Variants in GRIK2 observed in about 807,000 individuals in gnomAD.
The protein encoded by GRIK2 is glutamate ionotropic receptor kainate type subunit 2.
GRIK2 carries 32 observed loss-of-function variants against 100.3 expected under a neutral mutation model. The observed-to-expected ratio is 0.32, with a 90% CI of 0.24 to 0.43. The LOEUF (loss-of-function observed/expected upper bound fraction) is 0.43. Among genes scored for constraint, GRIK2 ranks in the 20% least tolerant of loss-of-function variants. The pLI is 1.00. For missense variants in GRIK2, 843 were observed against 1,114.9 expected, an observed-to-expected ratio of 0.76 and a Z score of 3.47; for synonymous variants, 417 against 389.4, an observed-to-expected ratio of 1.07 and a Z score of -0.83.
At chr6:101,778,159 A>G (rs1778866308) in intron 7 of GRIK2, among the ~76,000 whole-genome samples, 2 of 152,218 alleles carry the variant, frequency 1.3e-5, no homozygotes, top group Admixed American at 1.3e-4. Flanking sequence ...TGTGTTATAA[A>G]AGGAAAAACA....
chr6:101,570,264 T>C (rs979612056), intron 2 of GRIK2, among the ~76,000 whole-genome samples: 1 of 152,024 alleles, frequency 6.6e-6, no homozygotes, highest in African/African-American at 2.4e-5. Flanking sequence ...TCTTGTAGGG[T>C]AAGTATAAGG....
chr6:101,570,662 T>C (rs901135997), intron 2 of GRIK2, among the ~76,000 whole-genome samples: 1 of 152,168 alleles, frequency 6.6e-6, no homozygotes, highest in Non-Finnish European at 1.5e-5. Flanking sequence ...GAGTTACTCT[T>C]CCTTGCTGGA....
At chr6:101,684,324 A>G (rs1771511700) in intron 6 of GRIK2, among the ~76,000 whole-genome samples, 1 of 152,206 alleles carries the variant, frequency 6.6e-6, no homozygotes, top group African/African-American at 2.4e-5. Context: ...AGTTTAGGAT[A>G]CATAGAACTC....
At chr6:101,870,376 C>T (rs1224327506) in intron 11 of GRIK2, among the ~76,000 whole-genome samples, 1 of 151,738 alleles carries the variant, frequency 6.6e-6, no homozygotes, top group African/African-American at 2.4e-5. Context: ...GCCAGTTTGT[C>T]CAATTCAATG....
intron 7 of GRIK2, among the ~76,000 whole-genome samples, chr6:101,714,650 T>C (rs768920893): frequency 4.6e-5 from 7 of 151,906 alleles, no homozygotes; most frequent in Non-Finnish European, 1.0e-4. Context: ...CTCATGTAAG[T>C]TTTATCACAA....
intron 4 of GRIK2, among the ~76,000 whole-genome samples, chr6:101,635,681 G>A (rs1389904285): frequency 1.3e-5 from 2 of 152,124 alleles, no homozygotes; most frequent in African/African-American, 4.8e-5. Flanking sequence ...CTATCAAAAA[G>A]TGGGTGAAGG....
At position 101,967,980 on chromosome 6, in the gene GRIK2, G is replaced by GAGTC. The variant is rs892853355; in HGVS notation, c.2085+39351_2085+39354dup. Among the ~76,000 whole-genome samples the GAGTC allele has an allele frequency of 5.3e-5, 8 of 151,170 alleles. 1 individual carries two copies. The highest frequency in any genetic ancestry group is 1.9e-4 in the African/African-American group (8 of 41,074). ...GAAATAGGAGGAAAAAAGAACTGGA[G>GAGTC]AGTCAGGAAAATTAAAGTTCTATTG... is the stretch of plus-strand genomic sequence containing the variant. On this transcript the variant is annotated intron_variant, in intron 14 of 16. Transcript: ENST00000369134.
At chr6:101,734,576 G>A (rs1022989359) in intron 7 of GRIK2, among the ~76,000 whole-genome samples, 8 of 152,066 alleles carry the variant, frequency 5.3e-5, no homozygotes, top group African/African-American at 1.9e-4. Flanking sequence ...AAAGTATTTG[G>A]GTACCCATGA....
chr6:101,419,257 T>G (rs1776298911), intron 2 of GRIK2, among the ~76,000 whole-genome samples: 1 of 152,200 alleles, frequency 6.6e-6, no homozygotes, highest in Non-Finnish European at 1.5e-5. Context: ...CCAGGACCCA[T>G]TTACAGTTCT....
At chr6:101,973,005 C>T (rs1416978925) in intron 14 of GRIK2, among the ~76,000 whole-genome samples, 2 of 151,794 alleles carry the variant, frequency 1.3e-5, no homozygotes, top group African/African-American at 4.8e-5. Context: ...GTTCTTTTTG[C>T]TTATGATCAC....
intron 16 of GRIK2, among the ~76,000 whole-genome samples, chr6:102,063,764 A>AAAG (rs1345326716): frequency 2.0e-5 from 3 of 150,508 alleles, no homozygotes; most frequent in African/African-American, 7.3e-5. Flanking sequence ...TCTTTAAAAA[A>AAAG]AAAAAGCTCT....
intron 7 of GRIK2, among the ~76,000 whole-genome samples, chr6:101,706,352 C>T (rs1773297393): frequency 6.6e-6 from 1 of 151,904 alleles, no homozygotes; most frequent in Admixed American, 6.6e-5. Flanking sequence ...TGTCTGTTGA[C>T]ATATTTGTTA....
In GRIK2 at chr6:101,621,585, T is replaced by TG. The variant is rs549476681; in HGVS notation, c.116-357dup. On this transcript the variant is annotated intron_variant, in intron 2 of 16. Coordinates refer to ENST00000369134, the MANE Select transcript of GRIK2 (RefSeq NM_021956.5). ...TTATTCTGGAACTGTTTACAAATTTTGGGGGGGATAAATTTCAGTACTTAA... is the reference window on the plus strand; with the variant it reads ...TTATTCTGGAACTGTTTACAAATTTTGGGGGGGGATAAATTTCAGTACTTAA... Among the ~76,000 whole-genome samples, 290 of 152,198 alleles carry TG rather than the reference T, an allele frequency of 1.9e-3. 2 individuals carry two copies. Among genetic ancestry groups the TG allele is most frequent in the African/African-American group, 6.9e-3 (286 of 41,534 alleles).
intron 7 of GRIK2, chr6:101,745,202 T>C (rs2128380718): frequency 6.6e-6 from 1 of 152,330 alleles, no homozygotes; most frequent in East Asian, 1.9e-4. Context: ...TATATCAACT[T>C]GTTATTCAGT....
At chr6:101,817,890 G>A (rs1297047154) in intron 9 of GRIK2, among the ~76,000 whole-genome samples, 1 of 152,102 alleles carries the variant, frequency 6.6e-6, no homozygotes, top group Non-Finnish European at 1.5e-5. Context: ...TCCCACCAGG[G>A]GTAGTGCAAA....
chr6:101,729,199 T>C (rs1277609170), intron 7 of GRIK2, among the ~76,000 whole-genome samples: 1 of 152,050 alleles, frequency 6.6e-6, no homozygotes, highest in Non-Finnish European at 1.5e-5. Flanking sequence ...TTAAAATGGC[T>C]CATTAAAGTA....
At chr6:101,415,120 T>C (rs1226461996) in intron 2 of GRIK2, among the ~76,000 whole-genome samples, 1 of 152,158 alleles carries the variant, frequency 6.6e-6, no homozygotes, top group Admixed American at 6.5e-5. Context: ...TAATCACTGT[T>C]ATCATTTTGT....
chr6:101,502,445 G>A (rs530897227), intron 2 of GRIK2, among the ~76,000 whole-genome samples: 4 of 152,156 alleles, frequency 2.6e-5, no homozygotes, highest in South Asian at 2.1e-4. Context: ...GTCATGCAAT[G>A]TGAATGTGAA....
chr6:101,887,295 C>T (rs927967609), intron 11 of GRIK2, among the ~76,000 whole-genome samples: 11 of 152,000 alleles, frequency 7.2e-5, no homozygotes, highest in East Asian at 5.8e-4. Flanking sequence ...CTGTTGTGTA[C>T]GATAAATACA....
Sources: gnomAD v4.1 joint callset for allele counts (sites outside exome capture counted in the v4.1 genomes callset) on GRCh38, gnomAD v4.1.1 for gene constraint, MANE v1.5 for transcripts, NCBI Gene and HGNC (gene_info 2026-07-23, HGNC 2026-07-21) for gene names.